Variants in TMEM132D observed in about 807,000 individuals in gnomAD.
TMEM132D encodes transmembrane protein 132D, also known as mature OL transmembrane protein.
Under a neutral mutation model 62.3 loss-of-function variants are expected in TMEM132D, and 21 were observed. The observed-to-expected ratio is 0.34, with a 90% CI of 0.24 to 0.49. The LOEUF (loss-of-function observed/expected upper bound fraction) is 0.49. TMEM132D is among the 20% of genes least tolerant of loss of function. TMEM132D has a pLI of 0.99. For missense variants in TMEM132D, 1,346 were observed against 1,402.8 expected, an observed-to-expected ratio of 0.96 and a Z score of 0.65; for synonymous variants, 621 against 575.6, an observed-to-expected ratio of 1.08 and a Z score of -1.13.
At chr12:129,081,612 T>C (rs2135615284) in intron 7 of TMEM132D, 147 bp downstream of exon 7, 2 of 1,238,726 alleles carry the variant, frequency 1.6e-6, no homozygotes, top group Non-Finnish European at 2.2e-6. Context: ...TCGCTTGTAT[T>C]GCTTACTCCA....
chr12:129,716,859 C>T lies in TMEM132D; in HGVS notation c.80-16161G>A, dbSNP rs375452082. On this transcript the variant is annotated intron_variant, in intron 1 of 8. Transcript: ENST00000422113. The stretch of plus-strand genomic sequence containing the variant: ...GATTTGCTACAGAACCAATAGAAAA[C>T]GAATCTAGAAGACAACTATAAACGA... 1.6e-4 allele frequency among the ~76,000 whole-genome samples: 24 copies of T among 152,236 alleles called. 1 individual carries two copies. The East Asian group carries it at 2.5e-3, about 16-fold the overall frequency.
chr12:129,772,118 A>T (rs1168698243), intron 1 of TMEM132D, among the ~76,000 whole-genome samples: 1 of 152,160 alleles, frequency 6.6e-6, no homozygotes, highest in Non-Finnish European at 1.5e-5. Context: ...TTAAAAAAAA[A>T]AATTAATGTA....
At chr12:129,446,816 T>C (rs1873110674) in intron 3 of TMEM132D, among the ~76,000 whole-genome samples, 1 of 152,194 alleles carries the variant, frequency 6.6e-6, no homozygotes, top group African/African-American at 2.4e-5. Flanking sequence ...TGGTGGTGAT[T>C]TCTTTATTAG....
intron 2 of TMEM132D, among the ~76,000 whole-genome samples, chr12:129,615,446 TA>T (rs1878887947): frequency 6.7e-6 from 1 of 148,278 alleles, no homozygotes; most frequent in African/African-American, 2.5e-5. Flanking sequence ...TTAAATTATA[TA>T]AAAAAAAAAG....
chr12:129,897,014 A>T (rs781453304), intron 1 of TMEM132D, among the ~76,000 whole-genome samples: 1 of 152,202 alleles, frequency 6.6e-6, no homozygotes, highest in Non-Finnish European at 1.5e-5. Flanking sequence ...GAGGGGGTGC[A>T]CCTTGGGTGA....
intron 3 of TMEM132D, among the ~76,000 whole-genome samples, chr12:129,492,301 G>T (rs1041518590): frequency 6.6e-6 from 1 of 152,194 alleles, no homozygotes; most frequent in Non-Finnish European, 1.5e-5. Flanking sequence ...TGCTCACAGA[G>T]TTTCCTGAAA....
chr12:129,100,086 G>T (rs948427263), intron 5 of TMEM132D, among the ~76,000 whole-genome samples: 4 of 151,872 alleles, frequency 2.6e-5, no homozygotes, highest in Non-Finnish European at 5.9e-5. Flanking sequence ...TGTCACCCAG[G>T]CTGGAGTGCA....
rs1236915693 is a variant in TMEM132D, at chr12:129,190,535, C to CA, written c.1443+18984_1443+18985insT. Among the ~76,000 whole-genome samples, 28 of 22,830 alleles carry CA rather than the reference C, an allele frequency of 1.2e-3. 1 individual carries two copies. Among genetic ancestry groups the CA allele is most frequent in the South Asian group, 3.6e-3 (2 of 558 alleles). The allele number at this position is 22,830 out of a possible 152,430, so 15.0% of individuals were successfully genotyped here. A position where few individuals can be genotyped will look rare whatever the true frequency, so the allele number is the denominator to read the frequency against. ...GGCCTGCAGATGGAGGGAGGGGTCTCGGCCTGCAGATGGAGGGAGGGGTCT... is the reference window on the plus strand; with the variant it reads ...GGCCTGCAGATGGAGGGAGGGGTCTCAGGCCTGCAGATGGAGGGAGGGGTCT... On this transcript the variant is annotated intron_variant, in intron 5 of 8. Transcript: ENST00000422113.
At chr12:129,524,381 C>T (rs1057401529) in intron 3 of TMEM132D, among the ~76,000 whole-genome samples, 2 of 152,094 alleles carry the variant, frequency 1.3e-5, no homozygotes, top group African/African-American at 2.4e-5. Flanking sequence ...GGTAACATAT[C>T]GTACATGCTA....
chr12:129,294,961 A>T (rs1881531968), intron 4 of TMEM132D, among the ~76,000 whole-genome samples: 1 of 152,106 alleles, frequency 6.6e-6, no homozygotes, highest in Non-Finnish European at 1.5e-5. Flanking sequence ...GGGTGCCCAG[A>T]TATTTGGTCA....
intron 4 of TMEM132D, among the ~76,000 whole-genome samples, chr12:129,246,777 A>C (rs894155468): frequency 7.9e-6 from 1 of 127,098 alleles, no homozygotes; most frequent in African/African-American, 2.7e-5. Flanking sequence ...AAAAAAAAAA[A>C]AAGATAGAAA....
intron 4 of TMEM132D, among the ~76,000 whole-genome samples, chr12:129,286,077 C>T (rs1261013406): frequency 6.6e-6 from 1 of 152,212 alleles, no homozygotes; most frequent in African/African-American, 2.4e-5. Context: ...TGGCAACCAA[C>T]CTCCTCAGTG....
intron 3 of TMEM132D, among the ~76,000 whole-genome samples, chr12:129,519,284 G>A (rs114927841): frequency 0.032 from 4,831 of 152,120 alleles, 274 homozygotes; most frequent in African/African-American, 0.11. Flanking sequence ...GTGACTTTTC[G>A]CCAACAGAAG....
intron 3 of TMEM132D, among the ~76,000 whole-genome samples, chr12:129,407,889 CAAA>C (rs34385881): frequency 6.3e-5 from 6 of 95,960 alleles, no homozygotes; most frequent in Non-Finnish European, 4.6e-5. Context: ...GACTCCGACT[CAAA>C]AAAAAAAAAA....
intron 1 of TMEM132D, among the ~76,000 whole-genome samples, chr12:129,829,918 A>G (rs926035837): frequency 1.3e-5 from 2 of 152,182 alleles, no homozygotes; most frequent in African/African-American, 4.8e-5. Context: ...TCAAATCTCC[A>G]GCTAAAACCT....
At chr12:129,259,168 G>A (rs1432267584) in intron 4 of TMEM132D, among the ~76,000 whole-genome samples, 1 of 152,104 alleles carries the variant, frequency 6.6e-6, no homozygotes, top group East Asian at 1.9e-4. Flanking sequence ...AACATTGCGA[G>A]TCATTTCCCA....
At chr12:129,473,577 C>T (rs1158008) in intron 3 of TMEM132D, among the ~76,000 whole-genome samples, 33,242 of 151,578 alleles carry the variant, frequency 0.22, 3,891 homozygotes, top group East Asian at 0.38. Context: ...GTGATCTGCC[C>T]GCCTCGGCCT....
intron 3 of TMEM132D, among the ~76,000 whole-genome samples, chr12:129,446,419 A>C (rs1873099133): frequency 6.6e-6 from 1 of 152,220 alleles, no homozygotes; most frequent in Non-Finnish European, 1.5e-5. Context: ...TGGCGTATTC[A>C]TTCAAAGATA....
chr12:129,216,666 C>T (rs1879211872), intron 4 of TMEM132D, among the ~76,000 whole-genome samples: 2 of 152,146 alleles, frequency 1.3e-5, no homozygotes, highest in Non-Finnish European at 1.5e-5. Flanking sequence ...TTGTATTTAG[C>T]CATCACGTTG....
Sources: allele counts gnomAD v4.1 joint callset (sites outside exome capture counted in the v4.1 genomes callset), GRCh38; gene constraint gnomAD v4.1.1; transcripts MANE v1.5; gene names NCBI Gene and HGNC (gene_info 2026-07-23, HGNC 2026-07-21).